Variants in STK16 observed in about 807,000 individuals in gnomAD.
The protein encoded by STK16 is serine/threonine-protein kinase 16.
Under a neutral mutation model 37.8 loss-of-function variants are expected in STK16, and 28 were observed. The observed-to-expected ratio is 0.74, with a 90% CI of 0.55 to 1.02. The LOEUF (loss-of-function observed/expected upper bound fraction) is 1.02, where lower values mean the gene tolerates loss of function less well. STK16 is among the 50% of genes least tolerant of loss of function. The pLI, the probability that STK16 is intolerant of heterozygous loss-of-function variation, is 0.00. For synonymous variants in STK16, 134 were observed against 155.0 expected (o/e 0.86, Z 1.01); for missense variants, 349 against 390.6 (o/e 0.89, Z 0.90).
At position 219,248,295 on chromosome 2, in the gene STK16, A is replaced by G. The variant is rs770467814; in HGVS notation, c.760A>G (p.Ser254Gly). 1 of 1,614,130 alleles carries G rather than the reference A, an allele frequency of 6.2e-7. No individual in the cohort carries two copies. Among genetic ancestry groups the G allele is most frequent in the Non-Finnish European group, 8.5e-7 (1 of 1,180,014 alleles). ...SVALAVQNQL[S>G]IPQSPRHSSA... The stretch of plus-strand genomic sequence containing the variant: ...GGCCCTTGCTGTGCAGAACCAACTC[A>G]GCATCCCACAAAGCCCCAGGTGAGT... Residue 254 changes from serine (S) to glycine (G), a missense_variant, in exon 7 of 8, where the codon AGC becomes GGC. Ser to Gly is a moderately conservative substitution (Grantham distance 56). Coordinates refer to ENST00000396738, the MANE Select transcript of STK16 (RefSeq NM_001330213.2).
In STK16 at chr2:219,249,585, C is replaced by G. The variant is rs1233108894; in HGVS notation, c.*1026C>G. 1 of 152,342 alleles carries G rather than the reference C, an allele frequency of 6.6e-6. No individual in the cohort carries two copies. The highest frequency in any genetic ancestry group is 1.5e-5 in the Non-Finnish European group (1 of 68,130). 9.4% of individuals were successfully genotyped at this position (152,342 alleles called of 1,614,324 possible). On this transcript the variant is annotated 3_prime_UTR_variant, in exon 8 of 8. Coordinates refer to ENST00000396738, the MANE Select transcript of STK16 (RefSeq NM_001330213.2). ...CCTCCCCCGAACCATGTCTACCCCA[C>G]AGTATGACATCAGCATGGGGCCTGG...
rs1203434203 is a variant in STK16 at position 219,246,978 on chromosome 2, G to GT, written c.306+105dup. ...TTAGGAAGCAGGGACCATGTCCTGG[G>GT]TTTGGCCACTTTAGATTTTGAGTTT... On this transcript the variant is annotated intron_variant, in intron 3 of 7. Coordinates refer to ENST00000396738, the MANE Select transcript of STK16 (RefSeq NM_001330213.2). This position sits in a 1 kb window ranked among gnomAD's most constrained non-coding sequence, Gnocchi z 4.5. 4.6e-5 allele frequency: 71 copies of GT among 1,527,396 alleles called. No homozygotes were observed. The highest frequency in any genetic ancestry group is 6.0e-5 in the Non-Finnish European group (68 of 1,127,940). 94.6% of individuals were successfully genotyped at this position (1,527,396 alleles called of 1,614,324 possible).
chr2:219,247,447 A>T lies in STK16; in HGVS notation c.473A>T (p.Asp158Val), dbSNP rs763156669. 30 of 1,614,032 alleles carry T rather than the reference A, an allele frequency of 1.9e-5. No individual in the cohort carries two copies. Among genetic ancestry groups the T allele is most frequent in the Non-Finnish European group, 2.5e-5 (29 of 1,180,042 alleles). The change falls in exon 5 of 8, where the codon GAT becomes GTT. Residue 158 changes from aspartate (D) to valine (V), a missense_variant. Physicochemically the swap from Asp to Val is radical, Grantham distance 152. Coordinates refer to ENST00000396738, the MANE Select transcript of STK16 (RefSeq NM_001330213.2). ...DLKPTNILLG[D>V]EGQPVLMDLG... ...AAGCCCACCAATATATTGCTTGGAG[A>T]TGAGGGGCAGCCAGTTTTAATGGAC...
intron 3 of STK16, 91 bp from the exon 4 acceptor site, chr2:219,247,022 G>A (rs1951549703): frequency 7.0e-6 from 11 of 1,577,346 alleles, no homozygotes; most frequent in Non-Finnish European, 8.6e-6. Context: ...TATCATGAAA[G>A]GGCTGATAGG....
In STK16 at chr2:219,247,172, G is replaced by A; in HGVS notation, c.366G>A (p.Glu122=). ...RLKDKGNFLT[E]DQILWLLLGI... is the part of the protein sequence containing the mutation. Reference sequence around the variant, plus strand: ...AGGACAAAGGCAACTTCCTGACCGAGGATCAAATCCTTTGGCTGCTGCTGG... The same window carrying A: ...AGGACAAAGGCAACTTCCTGACCGAAGATCAAATCCTTTGGCTGCTGCTGG... Residue 122 remains glutamate, a synonymous_variant, in exon 4 of 8, where the codon GAG becomes GAA. Transcript: ENST00000396738. 6.2e-7 allele frequency: 1 copy of A among 1,614,258 alleles called. No individual in the cohort carries two copies. Among genetic ancestry groups the A allele is most frequent in the South Asian group, 1.1e-5 (1 of 91,092 alleles).
chr2:219,248,730 A>C lies in STK16; in HGVS notation c.*171A>C. On this transcript the variant is annotated 3_prime_UTR_variant, in exon 8 of 8. Coordinates refer to ENST00000396738, the MANE Select transcript of STK16 (RefSeq NM_001330213.2). ...CTTCTGCTTTCTTCCCTCCAAGAGCAAAACCTGGGCAAGGGGACTTACTGA... is the reference window on the plus strand; with the variant it reads ...CTTCTGCTTTCTTCCCTCCAAGAGCCAAACCTGGGCAAGGGGACTTACTGA... 1.3e-6 allele frequency: 1 copy of C among 764,150 alleles called. No homozygotes were observed. Among genetic ancestry groups the C allele is most frequent in the African/African-American group, 1.8e-5 (1 of 56,914 alleles). 47.3% of individuals were successfully genotyped at this position (764,150 alleles called of 1,614,324 possible).
rs1234213172 is a variant in STK16 at position 219,247,231 on chromosome 2, A to G, written c.425A>G (p.Lys142Arg). ...ICRGLEAIHA[K>R]GYAHRDLKPT... ...AGAGGCCTTGAGGCCATTCATGCCA[A>G]GGGTTATGCCCACAGGTCAGTGGGA... The change falls in exon 4 of 8, where the codon AAG becomes AGG. Residue 142 changes from lysine to arginine, a missense_variant. By Grantham distance (26) the Lys-to-Arg change is conservative. Coordinates refer to ENST00000396738, the MANE Select transcript of STK16 (RefSeq NM_001330213.2). 1 of 1,614,202 alleles carries G rather than the reference A, an allele frequency of 6.2e-7. No individual in the cohort carries two copies. Among genetic ancestry groups the G allele is most frequent in the Admixed American group, 1.7e-5 (1 of 60,028 alleles).
chr2:219,246,645 T>G lies in STK16; in HGVS notation c.87-12T>G. 1 of 1,612,106 alleles carries G rather than the reference T, an allele frequency of 6.2e-7. No homozygotes were observed. Among genetic ancestry groups the G allele is most frequent in the Non-Finnish European group, 8.5e-7 (1 of 1,178,222 alleles). ...ATGACCATGGCCCTTTATTGACCCC[T>G]TTGGCCCACAGTGGGTTCAGCTATG... is the stretch of plus-strand genomic sequence containing the variant. On this transcript the variant is annotated splice_polypyrimidine_tract_variant and intron_variant, in intron 2 of 7. Coordinates refer to ENST00000396738, the MANE Select transcript of STK16 (RefSeq NM_001330213.2). The surrounding 1 kb of genome is among the most constrained non-coding windows in gnomAD (Gnocchi z 4.5).
At position 219,246,288 on chromosome 2, in the gene STK16, T is replaced by G; in HGVS notation, c.86+203T>G. 1.7e-6 allele frequency: 1 copy of G among 600,496 alleles called. No homozygotes were observed. Among genetic ancestry groups the G allele is most frequent in the Non-Finnish European group, 3.0e-6 (1 of 334,636 alleles). The allele number at this position is 600,496 out of a possible 1,614,324, so 37.2% of individuals were successfully genotyped here. ...TCGTGTGACCTTGATAAACCATGTTTTTTTCATCAGCTTAATGGAGATGAT... is the reference window on the plus strand; with the variant it reads ...TCGTGTGACCTTGATAAACCATGTTGTTTTCATCAGCTTAATGGAGATGAT... On this transcript the variant is annotated intron_variant, in intron 2 of 7. Coordinates refer to ENST00000396738, the MANE Select transcript of STK16 (RefSeq NM_001330213.2). This position sits in a 1 kb window ranked among gnomAD's most constrained non-coding sequence, Gnocchi z 4.5.
Position 219,247,127 on chromosome 2 carries a change from G to A in STK16, c.321G>A (p.Trp107Ter). The change falls in exon 4 of 8, where the codon TGG becomes TGA. Residue 107 changes from tryptophan to a stop codon, truncating the protein, a stop_gained. Coordinates refer to ENST00000396738, the MANE Select transcript of STK16 (RefSeq NM_001330213.2). LOFTEE classifies it high-confidence loss of function. ...TTGTGTTGCAGAGAGGTACGCTGTG[G>A]AATGAGATAGAAAGGCTGAAGGACA... ...LLPFFKRGTL[W>*]NEIERLKDKG... 6.2e-7 allele frequency: 1 copy of A among 1,614,210 alleles called. No homozygotes were observed.
Position 219,247,130 on chromosome 2 carries a change from T to C in STK16, c.324T>C (p.Asn108=), listed in dbSNP as rs376776353. 6.6e-5 allele frequency: 106 copies of C among 1,612,458 alleles called. No individual in the cohort carries two copies. The Middle Eastern group carries it at 6.6e-4, about 10-fold the overall frequency. The change falls in exon 4 of 8, where the codon AAT becomes AAC. Residue 108 remains asparagine (N), a synonymous_variant. Coordinates refer to ENST00000396738, the MANE Select transcript of STK16 (RefSeq NM_001330213.2). ...LPFFKRGTLW[N]EIERLKDKGN... ...TGTTGCAGAGAGGTACGCTGTGGAA[T>C]GAGATAGAAAGGCTGAAGGACAAAG... is the stretch of plus-strand genomic sequence containing the variant.
At chr2:219,247,920 C>T (rs1260396953) in intron 6 of STK16, 163 bp downstream of exon 6, 1 of 829,404 alleles carries the variant, frequency 1.2e-6, no homozygotes, top group Non-Finnish European at 2.0e-6. Context: ...GATACTGTAC[C>T]CAGTTGTACC....
chr2:219,248,217 A>G lies in STK16; in HGVS notation c.682A>G (p.Met228Val), dbSNP rs1414367793. ...GTCCCTAGGCTGCGTGCTATATGCC[A>G]TGATGTTTGGGGAAGGCCCTTATGA... ...VWSLGCVLYA[M>V]MFGEGPYDMV... The change falls in exon 7 of 8, where the codon ATG becomes GTG. Residue 228 changes from methionine (M) to valine (V), a missense_variant. Physicochemically the swap from Met to Val is conservative, Grantham distance 21. Transcript: ENST00000396738. 2 of 1,614,180 alleles carry G rather than the reference A, an allele frequency of 1.2e-6. No homozygotes were observed. Among genetic ancestry groups the G allele is most frequent in the East Asian group, 4.5e-5 (2 of 44,886 alleles).
chr2:219,246,559 A>C lies in STK16; in HGVS notation c.87-98A>C. ...GCCACATCTTGGGAAGGTTTCTGCT[A>C]AATGGGAAGGACACCCCACTCCCCA... On this transcript the variant is annotated intron_variant, in intron 2 of 7. Coordinates refer to ENST00000396738, the MANE Select transcript of STK16 (RefSeq NM_001330213.2). The surrounding 1 kb of genome is among the most constrained non-coding windows in gnomAD (Gnocchi z 4.5). 1 of 905,582 alleles carries C rather than the reference A, an allele frequency of 1.1e-6. No individual in the cohort carries two copies. The allele number at this position is 905,582 out of a possible 1,614,324, so 56.1% of individuals were successfully genotyped here. A position where few individuals can be genotyped will look rare whatever the true frequency, so the allele number is the denominator to read the frequency against.
chr2:219,247,369 C>T (rs781661903), intron 4 of STK16, 46 bp from the exon 5 acceptor site: 1 of 1,610,016 alleles, frequency 6.2e-7, no homozygotes, highest in South Asian at 1.1e-5. Flanking sequence ...GGGATTCCAG[C>T]CTTCCTGTCC....
In STK16 at chr2:219,248,543, A is replaced by G. The variant is rs1292185567; in HGVS notation, c.902A>G (p.His301Arg). 20 of 1,611,476 alleles carry G rather than the reference A, an allele frequency of 1.2e-5. No homozygotes were observed. The highest frequency in any genetic ancestry group is 1.5e-5 in the Non-Finnish European group (18 of 1,179,008). The change falls in exon 8 of 8, where the codon CAT becomes CGT. Residue 301 changes from histidine to arginine, a missense_variant. Transcript: ENST00000396738. ...CTTCAGCCCCCAGCTCCTGGCCAAC[A>G]TACTACCCAAATCTGAAAAAGCAGC... ...EALQPPAPGQ[H>R]TTQI
Position 219,246,730 on chromosome 2 carries a change from C to A in STK16, c.160C>A (p.His54Asn). The change falls in exon 3 of 8, where the codon CAC (histidine) becomes AAC (asparagine). Residue 54 changes from histidine to asparagine, a missense_variant. Transcript: ENST00000396738. The surrounding 1 kb of genome is among the most constrained non-coding windows in gnomAD (Gnocchi z 4.5). ...CTACGCCCTGAAGCGAATCCTGTGTCACGAGCAGCAGGACCGGGAGGAGGC... is the reference window on the plus strand; with the variant it reads ...CTACGCCCTGAAGCGAATCCTGTGTAACGAGCAGCAGGACCGGGAGGAGGC... ...HFYALKRILC[H>N]EQQDREEAQR... 1 of 1,614,224 alleles carries A rather than the reference C, an allele frequency of 6.2e-7. No individual in the cohort carries two copies.
chr2:219,246,216 A>G lies in STK16; in HGVS notation c.86+131A>G. On this transcript the variant is annotated intron_variant, in intron 2 of 7. Coordinates refer to ENST00000396738, the MANE Select transcript of STK16 (RefSeq NM_001330213.2). This position sits in a 1 kb window ranked among gnomAD's most constrained non-coding sequence, Gnocchi z 4.5. ...CTCTCACCTGACAGAACCTAGCTAC[A>G]CAGTATCAAGAAGGTGGATTCTGGA... The G allele has an allele frequency of 2.7e-6, 2 of 754,160 alleles. No individual in the cohort carries two copies. The highest frequency in any genetic ancestry group is 1.8e-5 in the South Asian group (1 of 55,918). The allele number at this position is 754,160 out of a possible 1,614,324, so 46.7% of individuals were successfully genotyped here.
Position 219,248,341 on chromosome 2 carries a change from A to G in STK16, c.779+27A>G, listed in dbSNP as rs775791372. 18 of 1,613,854 alleles carry G rather than the reference A, an allele frequency of 1.1e-5. No homozygotes were observed. In the Admixed American group the frequency reaches 2.3e-4, roughly 21 times the overall value. Reference sequence around the variant, plus strand: ...TGAGTGAGCAACGAATAGGGCATCAAGTGTTTCAGACTCCCCCCTGGTATT... The same window carrying G: ...TGAGTGAGCAACGAATAGGGCATCAGGTGTTTCAGACTCCCCCCTGGTATT... On this transcript the variant is annotated intron_variant, in intron 7 of 7. Coordinates refer to ENST00000396738, the MANE Select transcript of STK16 (RefSeq NM_001330213.2).
Sources: gnomAD v4.1 joint callset for allele counts on GRCh38, gnomAD v4.1.1 for gene constraint, Gnocchi (gnomAD v3.1) non-coding constraint, MANE v1.5 for transcripts, NCBI Gene and HGNC (gene_info 2026-07-23, HGNC 2026-07-21) for gene names.